The following DAAM1 variants were observed in gnomAD, a reference collection of about 807,000 sequenced individuals.
DAAM1 encodes the protein disheveled-associated activator of morphogenesis 1.
In DAAM1, 52 loss-of-function variants were observed where a neutral mutation model predicts 130.0. That is an observed-to-expected ratio of 0.40 (90% CI 0.32 to 0.50). The LOEUF is 0.50. Among genes scored for constraint, DAAM1 ranks in the 20% least tolerant of loss-of-function variants. The pLI, the probability that DAAM1 is intolerant of heterozygous loss-of-function variation, is 0.61. For missense variants in DAAM1, 1,134 were observed against 1,303.8 expected (o/e 0.87, Z 2.01); for synonymous variants, 452 against 444.5 (o/e 1.02, Z -0.21).
chr14:59,218,540 C>G (rs929264876), intron 1 of DAAM1, among the ~76,000 whole-genome samples: 1 of 152,166 alleles, frequency 6.6e-6, no homozygotes, highest in Non-Finnish European at 1.5e-5. Context: ...GTTAAATAAT[C>G]TGAAACAATA....
At chr14:59,281,915 T>G (rs1883240398) in intron 2 of DAAM1, among the ~76,000 whole-genome samples, 1 of 152,148 alleles carries the variant, frequency 6.6e-6, no homozygotes, top group African/African-American at 2.4e-5. Context: ...CCCTGGTCAT[T>G]GTGCCTAGGC....
chr14:59,345,651 T>A (rs1886044617), intron 16 of DAAM1, among the ~76,000 whole-genome samples: 1 of 152,172 alleles, frequency 6.6e-6, no homozygotes, highest in African/African-American at 2.4e-5. Flanking sequence ...GGGCTTCTCT[T>A]CTTTGCTGCC....
At chr14:59,327,124 A>C (rs1038952346) in intron 12 of DAAM1, 133 bp downstream of exon 12, 5 of 941,110 alleles carry the variant, frequency 5.3e-6, no homozygotes, top group African/African-American at 3.3e-5. Flanking sequence ...CCATCTTTTA[A>C]GGGCATTTTG....
chr14:59,302,500 C>A (rs1884211685), intron 3 of DAAM1, among the ~76,000 whole-genome samples: 1 of 152,096 alleles, frequency 6.6e-6, no homozygotes. Context: ...TCACTCACGC[C>A]TGCATTGGTG....
intron 3 of DAAM1, among the ~76,000 whole-genome samples, chr14:59,296,678 C>T (rs764859044): frequency 6.6e-6 from 1 of 152,174 alleles, no homozygotes; most frequent in Non-Finnish European, 1.5e-5. Context: ...CCATTGGTTA[C>T]AGCAGTGAGA....
At chr14:59,359,189 T>G in intron 20 of DAAM1, 1 of 464,920 alleles carries the variant, frequency 2.2e-6, no homozygotes, top group Non-Finnish European at 3.9e-6. Context: ...GCAATCCCCA[T>G]GGAGGCTCTC....
At chr14:59,364,287 G>A (rs554681847) in intron 23 of DAAM1, among the ~76,000 whole-genome samples, 7 of 151,834 alleles carry the variant, frequency 4.6e-5, no homozygotes, top group South Asian at 2.1e-4. Context: ...AGCAGAACTC[G>A]CTAAAAGAGA....
At chr14:59,199,148 T>C (rs762348692) in intron 1 of DAAM1, among the ~76,000 whole-genome samples, 27 of 152,228 alleles carry the variant, frequency 1.8e-4, no homozygotes, top group Non-Finnish European at 3.1e-4. Flanking sequence ...CTAAGCCCCA[T>C]GATCTGATCC....
intron 1 of DAAM1, among the ~76,000 whole-genome samples, chr14:59,201,218 A>G (rs1038387017): frequency 1.3e-5 from 2 of 150,840 alleles, no homozygotes; most frequent in Non-Finnish European, 3.0e-5. Flanking sequence ...ACAAAAGGGG[A>G]AAATAGGTGA....
intron 1 of DAAM1, among the ~76,000 whole-genome samples, chr14:59,239,226 A>G (rs991792662): frequency 6.6e-6 from 1 of 152,224 alleles, no homozygotes; most frequent in African/African-American, 2.4e-5. Context: ...GTAATGCCCT[A>G]TGGTGCTAAC....
intron 3 of DAAM1, among the ~76,000 whole-genome samples, chr14:59,299,154 C>G (rs986611677): frequency 3.9e-5 from 6 of 152,152 alleles, no homozygotes; most frequent in African/African-American, 1.4e-4. Flanking sequence ...TGTAGCTTTC[C>G]TGAATTACGT....
chr14:59,221,618 C>G (rs75369443), intron 1 of DAAM1, among the ~76,000 whole-genome samples: 3,966 of 152,296 alleles, frequency 0.026, 92 homozygotes, highest in Non-Finnish European at 0.034. Flanking sequence ...CTAAGAGAAG[C>G]TCTAAACGAT....
intron 5 of DAAM1, among the ~76,000 whole-genome samples, chr14:59,322,231 G>A (rs577383389): frequency 3.3e-5 from 5 of 152,190 alleles, no homozygotes; most frequent in Admixed American, 6.5e-5. Context: ...ATATAAAAGC[G>A]CATGGGCCAG....
intron 4 of DAAM1, 28 bp from the exon 5 acceptor site, chr14:59,320,459 TGAA>T: frequency 1.3e-6 from 2 of 1,556,818 alleles, no homozygotes; most frequent in Non-Finnish European, 1.7e-6. Context: ...AAATAGAATT[TGAA>T]GAAGTAACTT....
chr14:59,255,683 C>T (rs1387376646), intron 1 of DAAM1, among the ~76,000 whole-genome samples: 1 of 152,088 alleles, frequency 6.6e-6, no homozygotes, highest in African/African-American at 2.4e-5. Context: ...TAAAGATGCT[C>T]TTATTGCATA....
At chr14:59,250,157 A>G (rs17095949) in intron 1 of DAAM1, among the ~76,000 whole-genome samples, 9,560 of 152,288 alleles carry the variant, frequency 0.063, 398 homozygotes, top group Non-Finnish European at 0.094. Context: ...CGTTTGAAGA[A>G]CTTCTGACAT....
At chr14:59,360,960 CCGGGATA>C in intron 22 of DAAM1, 98 bp downstream of exon 22, 3 of 973,952 alleles carry the variant, frequency 3.1e-6, no homozygotes, top group Non-Finnish European at 4.5e-6. Flanking sequence ...TGTGGTATGC[CCGGGATA>C]AACATTTATT....
Position 59,330,642 on chromosome 14 carries a change from A to C in DAAM1, c.1514A>C (p.Lys505Thr). The change falls in exon 13 of 25, where the codon AAG becomes ACG. Residue 505 changes from lysine (K) to threonine (T), a missense_variant. Lys to Thr is a moderately conservative substitution (Grantham distance 78, BLOSUM62 -1). Transcript: ENST00000360909. ...EKETTEHKQV[K>T]QQVADLTAQL... ...GAGACTACTGAGCATAAGCAAGTCA[A>C]GCAGCAGGTGGCGGACCTCACAGCA... 6.2e-7 allele frequency: 1 copy of C among 1,614,022 alleles called. No homozygotes were observed. The highest frequency in any genetic ancestry group is 2.2e-5 in the East Asian group (1 of 44,852).
intron 2 of DAAM1, among the ~76,000 whole-genome samples, chr14:59,285,726 A>G (rs1003619543): frequency 6.6e-6 from 1 of 152,222 alleles, no homozygotes. Context: ...AGACTTAACT[A>G]TCCTAAATAT....
Sources: allele counts gnomAD v4.1 joint callset (sites outside exome capture counted in the v4.1 genomes callset), GRCh38; gene constraint gnomAD v4.1.1; transcripts MANE v1.5; gene names NCBI Gene and HGNC (gene_info 2026-07-23, HGNC 2026-07-21).